Variants in PLEKHA5 observed in about 807,000 individuals in gnomAD.
PLEKHA5 encodes the protein pleckstrin homology domain containing A5.
A neutral mutation model predicts 181.9 loss-of-function variants in PLEKHA5; 55 were observed. The ratio of observed to expected loss-of-function variants is 0.30; its 90% CI spans 0.24 to 0.38. The LOEUF is 0.38. Among genes scored for constraint, PLEKHA5 ranks in the 10% least tolerant of loss-of-function variants. PLEKHA5 has a pLI of 1.00. For missense variants in PLEKHA5, 1,432 were observed against 1,549.5 expected, an observed-to-expected ratio of 0.92 and a Z score of 1.27; for synonymous variants, 535 against 529.4, an observed-to-expected ratio of 1.01 and a Z score of -0.15.
intron 15 of PLEKHA5, among the ~76,000 whole-genome samples, chr12:19,292,354 C>T (rs941542946): frequency 4.6e-5 from 7 of 151,620 alleles, no homozygotes; most frequent in Non-Finnish European, 8.8e-5. Context: ...TGCAGTGAGC[C>T]GAGATCATGC....
chr12:19,369,372 T>A (rs12817774), intron 30 of PLEKHA5, among the ~76,000 whole-genome samples: 1 of 151,594 alleles, frequency 6.6e-6, no homozygotes, highest in Non-Finnish European at 1.5e-5. Context: ...TCAGGAAATA[T>A]TTTATACTGA....
intron 20 of PLEKHA5, among the ~76,000 whole-genome samples, chr12:19,331,633 C>T (rs575570685): frequency 1.3e-5 from 2 of 152,272 alleles, no homozygotes; most frequent in East Asian, 1.9e-4. Flanking sequence ...CTTTCTCCCC[C>T]GCACAGTGGC....
chr12:19,141,214 C>T (rs940180968), intron 3 of PLEKHA5, among the ~76,000 whole-genome samples: 1 of 152,136 alleles, frequency 6.6e-6, no homozygotes, highest in Admixed American at 6.6e-5. Flanking sequence ...AAAATGGTTA[C>T]GTGCAGCCCC....
At chr12:19,336,884 A>G (rs1445518817) in intron 21 of PLEKHA5, among the ~76,000 whole-genome samples, 1 of 152,112 alleles carries the variant, frequency 6.6e-6, no homozygotes, top group Non-Finnish European at 1.5e-5. Context: ...GTTTCCTAAA[A>G]ACATGGTTTC....
At chr12:19,132,943 T>C (rs907302408) in intron 3 of PLEKHA5, among the ~76,000 whole-genome samples, 1 of 110,110 alleles carries the variant, frequency 9.1e-6, no homozygotes, top group South Asian at 2.9e-4. Context: ...TTTTTTTTTT[T>C]AGTGAACCTT....
At chr12:19,366,215 C>A in intron 30 of PLEKHA5, 106 bp downstream of exon 30, 2 of 912,134 alleles carry the variant, frequency 2.2e-6, no homozygotes, top group Non-Finnish European at 3.4e-6. Flanking sequence ...AGTACCTTGA[C>A]TACAGATGAG....
At chr12:19,238,704 CATT>C (rs1318761081) in intron 3 of PLEKHA5, among the ~76,000 whole-genome samples, 5 of 144,606 alleles carry the variant, frequency 3.5e-5, no homozygotes, top group Non-Finnish European at 7.4e-5. Context: ...GTTTTTGAGA[CATT>C]ATGACATCAT....
intron 3 of PLEKHA5, among the ~76,000 whole-genome samples, chr12:19,196,801 C>CTTTTTTTTT (rs769847463): frequency 9.2e-6 from 1 of 109,060 alleles, no homozygotes; most frequent in Non-Finnish European, 1.9e-5. Context: ...CTTGTTTTTT[C>CTTTTTTTTT]TTTTTTTTTT....
At chr12:19,178,134 G>C (rs2047732979) in intron 3 of PLEKHA5, among the ~76,000 whole-genome samples, 1 of 152,040 alleles carries the variant, frequency 6.6e-6, no homozygotes, top group South Asian at 2.1e-4. Context: ...AAATCTCCTT[G>C]GTCTATTATT....
intron 3 of PLEKHA5, among the ~76,000 whole-genome samples, chr12:19,250,049 A>G (rs2064849802): frequency 6.6e-6 from 1 of 152,202 alleles, no homozygotes; most frequent in African/African-American, 2.4e-5. Flanking sequence ...ACTAGACACC[A>G]GTAACATTTC....
At chr12:19,279,402 C>T (rs1257544116) in intron 11 of PLEKHA5, among the ~76,000 whole-genome samples, 2 of 152,094 alleles carry the variant, frequency 1.3e-5, no homozygotes, top group African/African-American at 4.8e-5. Flanking sequence ...GTGGCTCACA[C>T]CTGTAATCCT....
intron 21 of PLEKHA5, among the ~76,000 whole-genome samples, chr12:19,339,815 C>G (rs2093719714): frequency 6.6e-6 from 1 of 152,160 alleles, no homozygotes; most frequent in African/African-American, 2.4e-5. Flanking sequence ...ATAATACCTA[C>G]TCCTGCTAGG....
intron 20 of PLEKHA5, among the ~76,000 whole-genome samples, chr12:19,333,451 G>A (rs771044558): frequency 2.0e-5 from 3 of 151,200 alleles, no homozygotes; most frequent in East Asian, 2.0e-4. Context: ...GTGGTGGTGC[G>A]CACCTGTAGT....
intron 29 of PLEKHA5, among the ~76,000 whole-genome samples, chr12:19,363,413 C>T (rs577437773): frequency 1.0e-3 from 158 of 151,690 alleles, no homozygotes; most frequent in African/African-American, 3.7e-3. Context: ...ATGATCAGCC[C>T]GCCTTGGCCT....
chr12:19,205,197 G>A (rs2055130556), intron 3 of PLEKHA5: 1 of 157,272 alleles, frequency 6.4e-6, no homozygotes, highest in Non-Finnish European at 1.4e-5. Context: ...CAGTTTATTT[G>A]CATGTAGGTC....
intron 28 of PLEKHA5, among the ~76,000 whole-genome samples, chr12:19,360,048 T>C (rs989240076): frequency 1.1e-4 from 17 of 150,908 alleles, no homozygotes; most frequent in Admixed American, 8.6e-4. Flanking sequence ...TATGCATTAA[T>C]TGACTGGGCA....
Position 19,279,697 on chromosome 12 carries a change from T to A in PLEKHA5, c.1314-3583T>A, listed in dbSNP as rs926037066. On this transcript the variant is annotated intron_variant, in intron 11 of 31. Coordinates refer to ENST00000429027, the MANE Select transcript of PLEKHA5 (RefSeq NM_001256470.2). Reference sequence around the variant, plus strand: ...AATACATACATATATATATAAAATCTCTTGGTCTTTTCTCCCCTACTCCCC... The same window carrying A: ...AATACATACATATATATATAAAATCACTTGGTCTTTTCTCCCCTACTCCCC... Among the ~76,000 whole-genome samples the A allele has an allele frequency of 8.6e-5, 13 of 151,256 alleles. 1 individual carries two copies. Among genetic ancestry groups the A allele is most frequent in the Non-Finnish European group, 1.2e-4 (8 of 67,888 alleles).
intron 3 of PLEKHA5, among the ~76,000 whole-genome samples, chr12:19,242,258 A>G (rs145799208): frequency 6.8e-6 from 1 of 146,894 alleles, no homozygotes; most frequent in Admixed American, 6.8e-5. Flanking sequence ...TTTTGTTTTG[A>G]GACAGAGTCT....
chr12:19,288,077 C>CAA (rs9300127), intron 13 of PLEKHA5: 1,223 of 185,458 alleles, frequency 6.6e-3, no homozygotes, highest in South Asian at 8.1e-3. Flanking sequence ...GACTCTGTCT[C>CAA]AAAAAAAAAA....
Sources: allele counts gnomAD v4.1 joint callset (sites outside exome capture counted in the v4.1 genomes callset), GRCh38; gene constraint gnomAD v4.1.1; transcripts MANE v1.5; gene names NCBI Gene and HGNC (gene_info 2026-07-23, HGNC 2026-07-21).